Variants in PLEKHH1 observed in about 807,000 individuals in gnomAD.
PLEKHH1 encodes pleckstrin homology, MyTH4 and FERM domain containing H1, also known as pleckstrin homology domain-containing family H member 1.
In PLEKHH1, 104 loss-of-function variants were observed where a neutral mutation model predicts 160.0. That is an observed-to-expected ratio of 0.65 (90% CI 0.55 to 0.76). PLEKHH1 has a LOEUF of 0.76. Among genes scored for constraint, PLEKHH1 ranks in the 30% least tolerant of loss-of-function variants. The probability of loss-of-function intolerance (pLI) is 0.00; values close to 1 mark genes in which losing one functional copy is unlikely to be tolerated. For synonymous variants in PLEKHH1, 619 were observed against 678.4 expected, an observed-to-expected ratio of 0.91 and a Z score of 1.36; for missense variants, 1,427 against 1,724.1, an observed-to-expected ratio of 0.83 and a Z score of 3.05.
At chr14:67,543,228 CA>C (rs2034043001) in intron 2 of PLEKHH1, among the ~76,000 whole-genome samples, 1 of 152,158 alleles carries the variant, frequency 6.6e-6, no homozygotes, top group African/African-American at 2.4e-5. Context: ...TAGTAAAGCC[CA>C]AATGGATGAC....
Position 67,582,333 on chromosome 14 carries a change from A to G in PLEKHH1, c.3426+123A>G, listed in dbSNP as rs1479973638. The stretch of plus-strand genomic sequence containing the variant: ...GTGCTCAGGAGAGGGCAGCTTTGCC[A>G]TCTCTGGGATGGAAAGCAGCTGACT... On this transcript the variant is annotated intron_variant, in intron 24 of 28. Transcript: ENST00000329153. This position sits in a 1 kb window ranked among gnomAD's most constrained non-coding sequence, Gnocchi z 5.0. 5.3e-6 allele frequency: 8 copies of G among 1,510,974 alleles called. No individual in the cohort carries two copies. The East Asian group carries it at 1.9e-4, about 36-fold the overall frequency. The allele number at this position is 1,510,974 out of a possible 1,614,324, so 93.6% of individuals were successfully genotyped here. A position where few individuals can be genotyped will look rare whatever the true frequency, so the allele number is the denominator to read the frequency against.
chr14:67,547,633 G>A (rs533691136), intron 2 of PLEKHH1, among the ~76,000 whole-genome samples: 3 of 152,222 alleles, frequency 2.0e-5, no homozygotes, highest in Non-Finnish European at 2.9e-5. Context: ...CTCACTGCTG[G>A]CTATCCTGTA....
intron 26 of PLEKHH1, among the ~76,000 whole-genome samples, chr14:67,584,523 G>A (rs1033703294): frequency 5.3e-5 from 8 of 152,204 alleles, no homozygotes; most frequent in Non-Finnish European, 2.9e-5. Flanking sequence ...TTTCACCTCT[G>A]TATGAAGGCC....
At chr14:67,563,037 T>C in intron 7 of PLEKHH1, 143 bp downstream of exon 7, 2 of 779,286 alleles carry the variant, frequency 2.6e-6, no homozygotes, top group Non-Finnish European at 4.0e-6. Context: ...ATGGAGCCTG[T>C]GCAGACCACA....
At chr14:67,535,439 G>A (rs547339892) in intron 1 of PLEKHH1, among the ~76,000 whole-genome samples, 24 of 137,986 alleles carry the variant, frequency 1.7e-4, no homozygotes, top group Non-Finnish European at 3.0e-4. Flanking sequence ...GGAGTGCAGT[G>A]GTGCAATCTC....
chr14:67,568,411 C>T (rs1002635108), intron 7 of PLEKHH1, among the ~76,000 whole-genome samples: 1 of 151,950 alleles, frequency 6.6e-6, no homozygotes, highest in Admixed American at 6.6e-5. Context: ...CACATGGACA[C>T]AGGGAGGGGA....
chr14:67,579,637 C>A, intron 21 of PLEKHH1, 84 bp from the exon 22 acceptor site: 5 of 1,363,136 alleles, frequency 3.7e-6, no homozygotes, highest in Non-Finnish European at 5.0e-6. Context: ...TCCTTTCCAC[C>A]TGCTGTATCC....
intron 22 of PLEKHH1, among the ~76,000 whole-genome samples, chr14:67,580,736 T>C (rs2035854386): frequency 1.3e-5 from 2 of 152,248 alleles, no homozygotes; most frequent in South Asian, 4.1e-4. Context: ...TTGCTCACCC[T>C]GTCCAGGGTT....
intron 26 of PLEKHH1, 149 bp from the exon 27 acceptor site, chr14:67,585,419 T>C (rs1188582821): frequency 1.1e-5 from 7 of 632,310 alleles, no homozygotes; most frequent in Admixed American, 5.4e-5. Flanking sequence ...CTGCATACAC[T>C]GTACAAATAT....
chr14:67,588,639 A>ATACTCTGATTTTCC lies in PLEKHH1; in HGVS notation c.*1405_*1418dup, dbSNP rs1356859536. 1 of 152,232 alleles carries ATACTCTGATTTTCC rather than the reference A, an allele frequency of 6.6e-6. No homozygotes were observed. 9.4% of individuals were successfully genotyped at this position (152,232 alleles called of 1,614,324 possible). A position where few individuals can be genotyped will look rare whatever the true frequency, so the allele number is the denominator to read the frequency against. On this transcript the variant is annotated 3_prime_UTR_variant, in exon 29 of 29. Coordinates refer to ENST00000329153, the MANE Select transcript of PLEKHH1 (RefSeq NM_020715.3). Reference sequence around the variant, plus strand: ...TAACAAAAACAAAACGAAAGAGTTCATACTCTGATTTTCCAACATCTAGGA... The same window carrying ATACTCTGATTTTCC: ...TAACAAAAACAAAACGAAAGAGTTCATACTCTGATTTTCCTACTCTGATTTTCCAACATCTAGGA...
At chr14:67,568,890 T>C (rs76691975) in intron 7 of PLEKHH1, 1 of 461,910 alleles carries the variant, frequency 2.2e-6, no homozygotes, top group East Asian at 4.1e-5. Context: ...ATATTCCAGG[T>C]GTTAAATGCT....
intron 1 of PLEKHH1, among the ~76,000 whole-genome samples, chr14:67,534,336 T>G (rs912294514): frequency 1.3e-5 from 2 of 152,120 alleles, no homozygotes; most frequent in African/African-American, 4.8e-5. Flanking sequence ...CCCAGCACTT[T>G]GGGAAGCCAA....
At chr14:67,581,324 A>G (rs1162495085) in intron 23 of PLEKHH1, among the ~76,000 whole-genome samples, 3 of 152,048 alleles carry the variant, frequency 2.0e-5, no homozygotes, top group Admixed American at 2.0e-4. Flanking sequence ...AAAACAGACC[A>G]GACCACCCTG....
chr14:67,585,543 T>C (rs1288615818), intron 26 of PLEKHH1, 25 bp from the exon 27 acceptor site: 3 of 1,486,842 alleles, frequency 2.0e-6, no homozygotes, highest in Non-Finnish European at 2.8e-6. Context: ...TGGATATATC[T>C]GATGGGTTGT....
At position 67,562,222 on chromosome 14, in the gene PLEKHH1, C is replaced by G. The variant is rs1436845882; in HGVS notation, c.591C>G (p.Ile197Met). 1 of 1,611,932 alleles carries G rather than the reference C, an allele frequency of 6.2e-7. No homozygotes were observed. The part of the protein sequence containing the change: ...EQDSVPSEPG[I>M]QPMGQDSGSQ... The stretch of plus-strand genomic sequence containing the variant: ...ATTCTGTCCCTTCAGAGCCGGGAAT[C>G]CAGCCTATGGGCCAGGACAGTGGCT... The change falls in exon 7 of 29, where the codon ATC becomes ATG. Residue 197 changes from isoleucine to methionine, a missense_variant. Physicochemically the swap from Ile to Met is conservative, Grantham distance 10. Transcript: ENST00000329153.
intron 8 of PLEKHH1, 103 bp downstream of exon 8, chr14:67,569,319 T>C: frequency 1.3e-6 from 1 of 756,334 alleles, no homozygotes; most frequent in Non-Finnish European, 2.3e-6. Flanking sequence ...CAGGGTTGGC[T>C]GGCCTACCCT....
chr14:67,572,386 G>C, intron 11 of PLEKHH1, 109 bp downstream of exon 11: 2 of 744,556 alleles, frequency 2.7e-6, no homozygotes, highest in Non-Finnish European at 4.1e-6. Flanking sequence ...GGGGTCCCTA[G>C]AGCTGGGGGA....
At chr14:67,539,078 T>C (rs1349579131) in intron 1 of PLEKHH1, among the ~76,000 whole-genome samples, 1 of 152,190 alleles carries the variant, frequency 6.6e-6, no homozygotes, top group Non-Finnish European at 1.5e-5. Flanking sequence ...TACTGTTATT[T>C]CTTAGCCCTG....
chr14:67,584,189 C>T, intron 26 of PLEKHH1, 65 bp downstream of exon 26: 2 of 1,548,750 alleles, frequency 1.3e-6, no homozygotes, highest in Admixed American at 1.7e-5. Flanking sequence ...ATGTTTGAGC[C>T]ATACCAATTT....
Sources: gnomAD v4.1 joint callset for allele counts (sites outside exome capture counted in the v4.1 genomes callset) on GRCh38, gnomAD v4.1.1 for gene constraint, Gnocchi (gnomAD v3.1) non-coding constraint, MANE v1.5 for transcripts, NCBI Gene and HGNC (gene_info 2026-07-23, HGNC 2026-07-21) for gene names.